CNIH3: variants seen among roughly 807,000 people sequenced by gnomAD.
CNIH3 encodes protein cornichon homolog 3.
Under a neutral mutation model 24.1 loss-of-function variants are expected in CNIH3, and 14 were observed. The observed-to-expected ratio is 0.58, with a 90% CI of 0.38 to 0.91. The LOEUF (loss-of-function observed/expected upper bound fraction) is 0.91. Among genes scored for constraint, CNIH3 ranks in the 40% least tolerant of loss-of-function variants. The probability of loss-of-function intolerance (pLI) is 0.00; values close to 1 mark genes in which losing one functional copy is unlikely to be tolerated. For synonymous variants in CNIH3, 68 were observed against 73.8 expected (o/e 0.92, Z 0.40); for missense variants, 178 against 196.8 (o/e 0.90, Z 0.57).
intron 1 of CNIH3, among the ~76,000 whole-genome samples, chr1:224,442,884 C>T (rs1165086000): frequency 6.6e-6 from 1 of 152,164 alleles, no homozygotes; most frequent in Non-Finnish European, 1.5e-5. Flanking sequence ...GGAGCAAGTC[C>T]TATACGTTCA....
At chr1:224,506,287 G>GCACGCACA (rs1558116037) in intron 1 of CNIH3, among the ~76,000 whole-genome samples, 1 of 147,326 alleles carries the variant, frequency 6.8e-6, no homozygotes, top group Non-Finnish European at 1.5e-5. Context: ...GCGCGCGCGC[G>GCACGCACA]CACACACACA....
chr1:224,508,722 A>T (rs1203414571), intron 1 of CNIH3, among the ~76,000 whole-genome samples: 2 of 152,056 alleles, frequency 1.3e-5, no homozygotes, highest in African/African-American at 4.8e-5. Flanking sequence ...ATATAGTACA[A>T]CTCTAACTTC....
At chr1:224,718,605 G>C (rs558788066) in intron 3 of CNIH3, among the ~76,000 whole-genome samples, 45 of 152,310 alleles carry the variant, frequency 3.0e-4, no homozygotes, top group Admixed American at 7.8e-4. Flanking sequence ...TTAGGGTGGA[G>C]TGAAAGTGAG....
intron 1 of CNIH3, among the ~76,000 whole-genome samples, chr1:224,447,007 C>T (rs774278191): frequency 6.6e-6 from 1 of 152,024 alleles, no homozygotes; most frequent in Non-Finnish European, 1.5e-5. Flanking sequence ...GGGAGGGCTG[C>T]AAGTAAAAAT....
intron 1 of CNIH3, among the ~76,000 whole-genome samples, chr1:224,477,033 C>A (rs1676615448): frequency 6.6e-6 from 1 of 152,196 alleles, no homozygotes; most frequent in African/African-American, 2.4e-5. Context: ...CACCATGCCC[C>A]TGCAACAGCA....
chr1:224,564,593 C>T (rs1680505639), intron 3 of CNIH3, among the ~76,000 whole-genome samples: 1 of 152,230 alleles, frequency 6.6e-6, no homozygotes, highest in Non-Finnish European at 1.5e-5. Flanking sequence ...ACAATGCATC[C>T]ATGTGACCAG....
chr1:224,671,609 G>C lies in CNIH3; in HGVS notation c.82-9349G>C, dbSNP rs76481780. ...TTGCTAACGACCTCTCATTCTTCTTGATTCTTCATTTGCAAAGTGGGTGTC... is the reference window on the plus strand; with the variant it reads ...TTGCTAACGACCTCTCATTCTTCTTCATTCTTCATTTGCAAAGTGGGTGTC... On this transcript the variant is annotated intron_variant, in intron 1 of 5. Coordinates refer to ENST00000272133, the MANE Select transcript of CNIH3 (RefSeq NM_152495.2). Among the ~76,000 whole-genome samples, 430 of 152,308 alleles carry C rather than the reference G, an allele frequency of 2.8e-3. 8 individuals carry two copies. The East Asian group carries it at 0.03, about 11-fold the overall frequency.
intron 1 of CNIH3, among the ~76,000 whole-genome samples, chr1:224,452,542 G>T (rs1215741111): frequency 6.6e-6 from 1 of 151,840 alleles, no homozygotes; most frequent in Non-Finnish European, 1.5e-5. Context: ...AGCACTTTGG[G>T]AGGCCAAGGT....
chr1:224,603,435 T>C (rs1483778863), intron 3 of CNIH3, among the ~76,000 whole-genome samples: 1 of 152,212 alleles, frequency 6.6e-6, no homozygotes, highest in Non-Finnish European at 1.5e-5. Flanking sequence ...AGGATACCTT[T>C]TGTCTTTGTA....
At chr1:224,679,955 C>T (rs1686321195) in intron 1 of CNIH3, among the ~76,000 whole-genome samples, 1 of 151,956 alleles carries the variant, frequency 6.6e-6, no homozygotes, top group African/African-American at 2.4e-5. Context: ...ATTACAGGTG[C>T]ATGCCACTAT....
chr1:224,519,481 T>G (rs529561003), intron 1 of CNIH3, among the ~76,000 whole-genome samples: 1 of 152,056 alleles, frequency 6.6e-6, no homozygotes, highest in South Asian at 2.1e-4. Flanking sequence ...ATTGCGGGAG[T>G]TCTCAAAATT....
intron 1 of CNIH3, chr1:224,436,775 A>G (rs1055096745): frequency 2.0e-5 from 3 of 152,218 alleles, no homozygotes; most frequent in African/African-American, 7.2e-5. Flanking sequence ...ACCTTCAGTA[A>G]CACCACATTA....
chr1:224,704,543 G>A lies in CNIH3; in HGVS notation c.198+19700G>A, dbSNP rs990607271. Among the ~76,000 whole-genome samples, 8 of 152,050 alleles carry A rather than the reference G, an allele frequency of 5.3e-5. No homozygotes were observed. Among genetic ancestry groups the A allele is most frequent in the Non-Finnish European group, 1.2e-4 (8 of 68,028 alleles). Reference sequence around the variant, plus strand: ...ACCCACGTAGCCTTCACCAAGATCCGCCGCTTATTCAGTTTGCCACATTTG... The same window carrying A: ...ACCCACGTAGCCTTCACCAAGATCCACCGCTTATTCAGTTTGCCACATTTG... On this transcript the variant is annotated intron_variant, in intron 3 of 5. Coordinates refer to ENST00000272133, the MANE Select transcript of CNIH3 (RefSeq NM_152495.2). This position sits in a 1 kb window ranked among gnomAD's most constrained non-coding sequence, Gnocchi z 4.2.
At chr1:224,514,900 C>A (rs983494330), upstream of CNIH3, among the ~76,000 whole-genome samples, 8 of 152,196 alleles carry the variant, frequency 5.3e-5, no homozygotes, top group African/African-American at 1.9e-4. Flanking sequence ...TACTACCTTA[C>A]ACTCCTTTAT....
At chr1:224,454,216 A>C (rs932427364) in intron 1 of CNIH3, 2 of 807,904 alleles carry the variant, frequency 2.5e-6, no homozygotes, top group African/African-American at 1.9e-5. Flanking sequence ...TCTACCCAAT[A>C]TTGTGAGTAG....
chr1:224,534,362 C>G (rs1192942584), intron 2 of CNIH3, among the ~76,000 whole-genome samples: 1 of 152,120 alleles, frequency 6.6e-6, no homozygotes, highest in African/African-American at 2.4e-5. Flanking sequence ...ATGCTTTACC[C>G]AGGATGGTAA....
At chr1:224,669,271 A>C (rs919006671) in intron 1 of CNIH3, among the ~76,000 whole-genome samples, 2 of 152,176 alleles carry the variant, frequency 1.3e-5, no homozygotes, top group African/African-American at 4.8e-5. Flanking sequence ...AAGCTATGTC[A>C]GAACCAGCTG....
chr1:224,572,872 T>C (rs1486075124), intron 4 of CNIH3, among the ~76,000 whole-genome samples: 10 of 152,194 alleles, frequency 6.6e-5, no homozygotes, highest in Non-Finnish European at 1.0e-4. Context: ...CTTGTTGTTG[T>C]TGTTGAGACA....
intron 1 of CNIH3, among the ~76,000 whole-genome samples, chr1:224,510,613 A>C (rs924231763): frequency 6.0e-5 from 8 of 133,706 alleles, no homozygotes; most frequent in African/African-American, 1.9e-4. Context: ...AAAAAACAAA[A>C]AAAAAACAAA....
Sources: gnomAD v4.1 joint callset for allele counts (sites outside exome capture counted in the v4.1 genomes callset) on GRCh38, gnomAD v4.1.1 for gene constraint, Gnocchi (gnomAD v3.1) non-coding constraint, MANE v1.5 for transcripts, NCBI Gene and HGNC (gene_info 2026-07-23, HGNC 2026-07-21) for gene names.